The following MAP4 variants were observed in gnomAD, a reference collection of about 807,000 sequenced individuals.
MAP4 encodes microtubule associated protein 4.
A neutral mutation model predicts 170.2 loss-of-function variants in MAP4; 76 were observed. The ratio of observed to expected loss-of-function variants is 0.45; its 90% CI spans 0.37 to 0.54. The LOEUF is 0.54. Among genes scored for constraint, MAP4 ranks in the 20% least tolerant of loss-of-function variants. MAP4 has a pLI of 0.00. For missense variants in MAP4, 2,506 were observed against 2,748.0 expected (o/e 0.91, Z 1.97); for synonymous variants, 909 against 994.5 (o/e 0.91, Z 1.62).
At position 47,909,816 on chromosome 3, in the gene MAP4, A is replaced by C; in HGVS notation, c.4605T>G (p.Asp1535Glu). 1 of 1,614,034 alleles carries C rather than the reference A, an allele frequency of 6.2e-7. No individual in the cohort carries two copies. The change falls in exon 9 of 21, where the codon GAT (aspartate) becomes GAG (glutamate). Residue 1535 changes from aspartate (D) to glutamate (E), a missense_variant. Coordinates refer to ENST00000683076, the MANE Select transcript of MAP4 (RefSeq NM_001385682.1). Reference sequence around the variant, plus strand: ...CGATCCCTGCTTCATTTTTCATGGAATCAGCAAGCTCAGCTTTATTCTTAA... The same window carrying C: ...CGATCCCTGCTTCATTTTTCATGGACTCAGCAAGCTCAGCTTTATTCTTAA... ...HSLKNKAELA[D>E]SMKNEAGIDE...
At chr3:47,994,099 CA>C (rs200347495) in intron 2 of MAP4, among the ~76,000 whole-genome samples, 1 of 151,454 alleles carries the variant, frequency 6.6e-6, no homozygotes, top group African/African-American at 2.4e-5. Flanking sequence ...AAACTTAAAC[CA>C]AAAAAAACTT....
intron 1 of MAP4, among the ~76,000 whole-genome samples, chr3:48,083,447 C>A (rs1056419612): frequency 1.3e-5 from 2 of 152,062 alleles, no homozygotes; most frequent in African/African-American, 4.8e-5. Flanking sequence ...CTCACTGCAA[C>A]CTCTGCCTCC....
chr3:47,924,849 C>T (rs1187584280), intron 4 of MAP4, among the ~76,000 whole-genome samples: 3 of 151,304 alleles, frequency 2.0e-5, no homozygotes, highest in Admixed American at 1.3e-4. Flanking sequence ...CTCGCTCTGT[C>T]GCCCAGGCTG....
At chr3:47,892,457 G>C (rs533725846) in intron 10 of MAP4, 10 of 1,534,840 alleles carry the variant, frequency 6.5e-6, no homozygotes, top group Non-Finnish European at 8.7e-6. Flanking sequence ...GTACGCGGCA[G>C]TGAGAGAGGC....
At chr3:48,080,736 T>C (rs1374278433) in intron 1 of MAP4, among the ~76,000 whole-genome samples, 2 of 152,150 alleles carry the variant, frequency 1.3e-5, no homozygotes, top group Non-Finnish European at 2.9e-5. Context: ...ATCCCAGCAC[T>C]TTGGGAGGCT....
chr3:47,870,689 T>C, intron 15 of MAP4, 124 bp downstream of exon 15: 13 of 1,016,878 alleles, frequency 1.3e-5, no homozygotes, highest in Non-Finnish European at 1.6e-5. Flanking sequence ...CCGGCTGAAA[T>C]ACCCTGATGC....
intron 3 of MAP4, among the ~76,000 whole-genome samples, chr3:47,953,542 T>C (rs2100065856): frequency 6.6e-6 from 1 of 151,924 alleles, no homozygotes; most frequent in Admixed American, 6.6e-5. Context: ...AATAAAACTT[T>C]CTTTAAAAAA....
At chr3:48,018,160 A>T (rs2100108738), upstream of MAP4, among the ~76,000 whole-genome samples, 1 of 152,158 alleles carries the variant, frequency 6.6e-6, no homozygotes, top group Admixed American at 6.5e-5. Context: ...CCAGTTCCTA[A>T]CTGGCCATGG....
intron 10 of MAP4, among the ~76,000 whole-genome samples, chr3:47,898,965 C>T (rs1353779196): frequency 6.6e-6 from 1 of 152,034 alleles, no homozygotes; most frequent in African/African-American, 2.4e-5. Context: ...AAAAACAAAA[C>T]AAAACAACCC....
intron 1 of MAP4, among the ~76,000 whole-genome samples, chr3:48,046,070 CAG>C (rs2100124450): frequency 6.6e-6 from 1 of 151,088 alleles, no homozygotes; most frequent in Non-Finnish European, 1.5e-5. Flanking sequence ...GCTACATATC[CAG>C]AGTGTTTTGA....
intron 3 of MAP4, among the ~76,000 whole-genome samples, chr3:47,949,602 C>T (rs2100062386): frequency 6.6e-6 from 1 of 151,856 alleles, no homozygotes; most frequent in Admixed American, 6.6e-5. Context: ...GGCTAAACTA[C>T]ATCTGGAAAT....
chr3:48,003,399 A>G (rs2100100403), intron 1 of MAP4, among the ~76,000 whole-genome samples: 3 of 149,014 alleles, frequency 2.0e-5, no homozygotes, highest in African/African-American at 5.0e-5. Flanking sequence ...GGTTGCAGTG[A>G]GCAGAGATCG....
intron 4 of MAP4, 75 bp from the exon 5 acceptor site, chr3:47,921,953 CT>C (rs1265575803): frequency 0.13 from 69,328 of 545,774 alleles, 1 homozygote; most frequent in South Asian, 0.17. Flanking sequence ...TTCTTTCTTT[CT>C]TTTTTTTTTT....
intron 1 of MAP4, among the ~76,000 whole-genome samples, chr3:48,084,290 G>A (rs1444532874): frequency 2.7e-5 from 4 of 150,640 alleles, no homozygotes; most frequent in African/African-American, 7.3e-5. Flanking sequence ...CTGAACTACT[G>A]GGGAGGCTGA....
Position 47,870,846 on chromosome 3 carries a change from C to G in MAP4, c.6261G>C (p.Thr2087=). The G allele has an allele frequency of 6.3e-7, 1 of 1,588,626 alleles. No homozygotes were observed. Among genetic ancestry groups the G allele is most frequent in the Admixed American group, 1.7e-5 (1 of 58,214 alleles). Residue 2087 remains threonine (T), a synonymous_variant, in exon 15 of 21, where the codon ACG becomes ACC. Transcript: ENST00000683076. ...LKNVRSKVGS[T]ENIKHQPGGG... is the part of the protein sequence containing the mutation. The stretch of plus-strand genomic sequence containing the variant: ...CTCCAGGCTGATGCTTGATGTTTTC[C>G]GTGGAGCCAACCTTGGAGCGGACAT...
intron 3 of MAP4, among the ~76,000 whole-genome samples, chr3:47,948,082 C>G (rs1474927742): frequency 6.6e-6 from 1 of 151,388 alleles, no homozygotes; most frequent in Non-Finnish European, 1.5e-5. Context: ...ACTGCAACCT[C>G]TGCCTCCTGG....
At chr3:47,982,271 C>A (rs10084649) in intron 2 of MAP4, among the ~76,000 whole-genome samples, 14,639 of 152,114 alleles carry the variant, frequency 0.096, 2,373 homozygotes, top group African/African-American at 0.33. Context: ...TTTAAGTTTA[C>A]ATACATATTT....
intron 1 of MAP4, among the ~76,000 whole-genome samples, chr3:48,071,848 G>A (rs1241048884): frequency 2.0e-5 from 3 of 151,922 alleles, no homozygotes; most frequent in Non-Finnish European, 2.9e-5. Flanking sequence ...AGGTTGCAGC[G>A]AGCCAAGATC....
chr3:47,934,656 G>A (rs71323373), intron 3 of MAP4, among the ~76,000 whole-genome samples: 153 of 152,116 alleles, frequency 1.0e-3, no homozygotes, highest in South Asian at 1.7e-3. Context: ...ACTAACAAAC[G>A]AATCAGTGAC....
Sources: allele counts gnomAD v4.1 joint callset (sites outside exome capture counted in the v4.1 genomes callset), GRCh38; gene constraint gnomAD v4.1.1; transcripts MANE v1.5; gene names NCBI Gene and HGNC (gene_info 2026-07-23, HGNC 2026-07-21).